KIAA0408: variants seen among roughly 807,000 people sequenced by gnomAD.
KIAA0408 encodes the protein KIAA0408, also known as uncharacterized protein KIAA0408.
Under a neutral mutation model 60.9 loss-of-function variants are expected in KIAA0408, and 51 were observed. That is an observed-to-expected ratio of 0.84 (90% CI 0.67 to 1.06). The LOEUF (loss-of-function observed/expected upper bound fraction) is 1.06. Among genes scored for constraint, KIAA0408 ranks in the 50% least tolerant of loss-of-function variants. The pLI, the probability that KIAA0408 is intolerant of heterozygous loss-of-function variation, is 0.00. For missense variants in KIAA0408, 787 were observed against 833.9 expected (o/e 0.94, Z 0.69); for synonymous variants, 304 against 282.4 (o/e 1.08, Z -0.77).
In KIAA0408 at chr6:127,446,989, C is replaced by A; in HGVS notation, c.1330G>T (p.Glu444Ter). 1.9e-6 allele frequency: 3 copies of A among 1,613,854 alleles called. No individual in the cohort carries two copies. The highest frequency in any genetic ancestry group is 1.7e-6 in the Non-Finnish European group (2 of 1,179,952). ...GTTCTAAATACAGTTCTGTTAAATT[C>A]ATCAGTCTTTGCTGCCAGCTTCTCA... is the stretch of plus-strand genomic sequence containing the variant. ...RNEKLAAKTDEFNRTVFRTDR... is the reference protein window; with the variant it reads ...RNEKLAAKTD The change falls in exon 5 of 6, where the codon GAA becomes TAA. Residue 444 changes from glutamate to a stop codon, truncating the protein, a stop_gained. Coordinates refer to ENST00000483725, the MANE Select transcript of KIAA0408 (RefSeq NM_014702.5). LOFTEE classifies it high-confidence loss of function.
intron 1 of KIAA0408, among the ~76,000 whole-genome samples, chr6:127,456,010 A>C (rs576778019): frequency 1.3e-5 from 2 of 152,162 alleles, no homozygotes; most frequent in African/African-American, 4.8e-5. Context: ...ACAATTCTTC[A>C]TAGGAAATGC....
At chr6:127,449,933 C>A (rs1303619313) in intron 3 of KIAA0408, 32 bp from the exon 4 acceptor site, 1 of 1,613,912 alleles carries the variant, frequency 6.2e-7, no homozygotes, top group East Asian at 2.2e-5. Context: ...CCCGTTAGCA[C>A]TTTGAAATGT....
At chr6:127,448,719 A>G (rs749395985) in intron 4 of KIAA0408, among the ~76,000 whole-genome samples, 2 of 152,176 alleles carry the variant, frequency 1.3e-5, no homozygotes, top group Non-Finnish European at 2.9e-5. Context: ...ATAGGCAAAT[A>G]GAGGACAAAG....
In KIAA0408 at chr6:127,447,625, GTTTTTC is replaced by G. The variant is rs1562370137; in HGVS notation, c.688_693del (p.Glu230_Lys231del). 3 of 1,612,530 alleles carry G rather than the reference GTTTTTC, an allele frequency of 1.9e-6. No homozygotes were observed. Among genetic ancestry groups the G allele is most frequent in the East Asian group, 2.2e-5 (1 of 44,834 alleles). ...CAGCTCAGATTCTTCCTGTTTTTCTGTTTTTCTTTTTCTAAACTGATTGGAAGAATG... is the reference window on the plus strand; with the variant it reads ...CAGCTCAGATTCTTCCTGTTTTTCTGTTTTTCTAAACTGATTGGAAGAATG... On this transcript the variant is annotated inframe_deletion, in exon 5 of 6. Coordinates refer to ENST00000483725, the MANE Select transcript of KIAA0408 (RefSeq NM_014702.5).
rs972792394 is a variant in KIAA0408 at position 127,442,224 on chromosome 6, C to T, written c.*1885G>A. 3 of 152,198 alleles carry T rather than the reference C, an allele frequency of 2.0e-5. No homozygotes were observed. Among genetic ancestry groups the T allele is most frequent in the African/African-American group, 7.2e-5 (3 of 41,456 alleles). 9.4% of individuals were successfully genotyped at this position (152,198 alleles called of 1,614,324 possible). ...AGATCCTCAATATTCTAAGGAACCA[C>T]AGATCATACCAGACTACTTGGGATA... is the stretch of plus-strand genomic sequence containing the variant. On this transcript the variant is annotated 3_prime_UTR_variant, in exon 6 of 6. Transcript: ENST00000483725.
chr6:127,446,485 GT>G lies in KIAA0408; in HGVS notation c.1833del (p.Glu611AspfsTer16). 1.2e-6 allele frequency: 2 copies of G among 1,613,986 alleles called. No individual in the cohort carries two copies. The highest frequency in any genetic ancestry group is 8.5e-7 in the Non-Finnish European group (1 of 1,179,986). On this transcript the variant is annotated frameshift_variant, in exon 5 of 6. Coordinates refer to ENST00000483725, the MANE Select transcript of KIAA0408 (RefSeq NM_014702.5). LOFTEE classifies it high-confidence loss of function. Reference sequence around the variant, plus strand: ...ACAGCTGTCTTTTGCTGAAACTGTTGTTCCATTTGGAGCATTTCTAAATGCT... The same window carrying G: ...ACAGCTGTCTTTTGCTGAAACTGTTGTCCATTTGGAGCATTTCTAAATGCT... ...LSQHLEMLQM[E>X]QQFQQKTAVW...
At chr6:127,457,243 G>C (rs543942078) in intron 1 of KIAA0408, among the ~76,000 whole-genome samples, 2 of 152,110 alleles carry the variant, frequency 1.3e-5, no homozygotes, top group Admixed American at 6.6e-5. Context: ...TCAAACTGAA[G>C]GGGCAACTTT....
At chr6:127,451,051 C>A (rs1404062948) in intron 2 of KIAA0408, 3 of 247,262 alleles carry the variant, frequency 1.2e-5, no homozygotes, top group Non-Finnish European at 2.4e-5. Context: ...CAGATTACTT[C>A]TTTATGAGAT....
At chr6:127,458,164 C>T (rs1245078139) in intron 1 of KIAA0408, among the ~76,000 whole-genome samples, 1 of 152,164 alleles carries the variant, frequency 6.6e-6, no homozygotes, top group Non-Finnish European at 1.5e-5. Flanking sequence ...AATTCCCCAG[C>T]TTATAACCTA....
In KIAA0408 at chr6:127,458,691, C is replaced by T. The variant is rs145408033; in HGVS notation, c.-121+484G>A. On this transcript the variant is annotated intron_variant, in intron 1 of 5. Transcript: ENST00000483725. ...GACTTCAGCTCAAATTACAGAAACA[C>T]TAACTCTACAGTGAGTCCACCACCA... Among the ~76,000 whole-genome samples, 567 of 152,310 alleles carry T rather than the reference C, an allele frequency of 3.7e-3. 4 individuals carry two copies. The highest frequency in any genetic ancestry group is 0.012 in the African/African-American group (514 of 41,572).
intron 5 of KIAA0408, 34 bp downstream of exon 5, chr6:127,446,374 A>G: frequency 1.3e-6 from 2 of 1,575,040 alleles, no homozygotes; most frequent in Non-Finnish European, 1.7e-6. Flanking sequence ...GCTAATATGG[A>G]TGCTACCAAA....
chr6:127,458,012 ATAAT>A (rs994101390), intron 1 of KIAA0408, among the ~76,000 whole-genome samples: 8 of 152,204 alleles, frequency 5.3e-5, no homozygotes, highest in African/African-American at 9.6e-5. Context: ...CACTTTTCAC[ATAAT>A]TAAAGATTTT....
chr6:127,458,171 C>T (rs1183279700), intron 1 of KIAA0408, among the ~76,000 whole-genome samples: 4 of 152,152 alleles, frequency 2.6e-5, no homozygotes, highest in East Asian at 1.9e-4. Context: ...CAGCTTATAA[C>T]CTATCAGAGT....
At position 127,447,376 on chromosome 6, in the gene KIAA0408, A is replaced by C; in HGVS notation, c.943T>G (p.Leu315Val). 4 of 1,612,456 alleles carry C rather than the reference A, an allele frequency of 2.5e-6. No homozygotes were observed. The highest frequency in any genetic ancestry group is 3.4e-6 in the Non-Finnish European group (4 of 1,179,488). The part of the protein sequence containing the change: ...SKRNYNPHFP[L>V]RQQEMSMLYP... ...AACATAGACATCTCTTGTTGTCTCA[A>C]AGGGAAGTGAGGGTTGTAATTCCTT... Residue 315 changes from leucine (L) to valine (V), a missense_variant, in exon 5 of 6, where the codon TTG becomes GTG. Transcript: ENST00000483725.
intron 5 of KIAA0408, among the ~76,000 whole-genome samples, chr6:127,445,035 C>G (rs1773166785): frequency 6.6e-6 from 1 of 152,006 alleles, no homozygotes; most frequent in African/African-American, 2.4e-5. Context: ...TCTTATTGAC[C>G]CTTCTTAGAC....
rs1293184615 is a variant in KIAA0408, at chr6:127,439,166, G to A, written c.*4943C>T. The A allele has an allele frequency of 6.3e-6, 1 of 159,278 alleles. No individual in the cohort carries two copies. The highest frequency in any genetic ancestry group is 1.4e-5 in the Non-Finnish European group (1 of 73,716). The allele number at this position is 159,278 out of a possible 1,614,324, so 9.9% of individuals were successfully genotyped here. A position where few individuals can be genotyped will look rare whatever the true frequency, so the allele number is the denominator to read the frequency against. ...CAGAACTGTAGAGAAATAAATTTCT[G>A]TTCTTTATAAATAACCCAGTCTCAA... On this transcript the variant is annotated 3_prime_UTR_variant, in exon 6 of 6. Transcript: ENST00000483725.
At chr6:127,453,310 A>T (rs545611297) in intron 2 of KIAA0408, among the ~76,000 whole-genome samples, 1 of 152,014 alleles carries the variant, frequency 6.6e-6, no homozygotes, top group Non-Finnish European at 1.5e-5. Context: ...TCCAATAAAT[A>T]TGCCACTAAA....
Position 127,446,806 on chromosome 6 carries a change from T to C in KIAA0408, c.1513A>G (p.Met505Val). 1 of 1,614,014 alleles carries C rather than the reference T, an allele frequency of 6.2e-7. No homozygotes were observed. The highest frequency in any genetic ancestry group is 1.1e-5 in the South Asian group (1 of 91,064). ...GTGGGATTATCAGGCACATTTTCCA[T>C]GGGCACAGGCATGTGGGCATTGGTT... The part of the protein sequence containing the change: ...WKTNAHMPVP[M>V]ENVPDNPTKK... Residue 505 changes from methionine to valine, a missense_variant, in exon 5 of 6, where the codon ATG (methionine) becomes GTG (valine). Transcript: ENST00000483725.
rs1204653151 is a variant in KIAA0408, at chr6:127,446,593, A to T, written c.1726T>A (p.Ser576Thr). 4.3e-6 allele frequency: 7 copies of T among 1,613,858 alleles called. No homozygotes were observed. Among genetic ancestry groups the T allele is most frequent in the Admixed American group, 1.7e-5 (1 of 59,988 alleles). ...LLKTYETATE[S>T]ALQNSKCFQD... ...AAGCACTTAGAATTTTGCAATGCAG[A>T]CTCTGTTGCTGTCTCATAGGTTTTC... Residue 576 changes from serine (S) to threonine (T), a missense_variant, in exon 5 of 6, where the codon TCT becomes ACT. Physicochemically the swap from Ser to Thr is moderately conservative, Grantham distance 58. This residue lies in a region of KIAA0408 where 14 missense variants were observed against 33.4 expected (regional missense o/e 0.42). Coordinates refer to ENST00000483725, the MANE Select transcript of KIAA0408 (RefSeq NM_014702.5).
Sources: allele counts gnomAD v4.1 joint callset (sites outside exome capture counted in the v4.1 genomes callset), GRCh38; gene constraint gnomAD v4.1.1; regional missense constraint gnomAD v4.1.1; transcripts MANE v1.5; gene names NCBI Gene and HGNC (gene_info 2026-07-23, HGNC 2026-07-21).